The following CHCHD3 variants were observed in gnomAD, a reference collection of about 807,000 sequenced individuals.
CHCHD3 encodes the protein MICOS complex subunit MIC19.
Under a neutral mutation model 38.2 loss-of-function variants are expected in CHCHD3, and 20 were observed. The observed-to-expected ratio is 0.52, with a 90% CI of 0.37 to 0.76. CHCHD3 has a LOEUF of 0.76. CHCHD3 is among the 30% of genes least tolerant of loss of function. The pLI is 0.00. For missense variants in CHCHD3, 245 were observed against 279.2 expected, an observed-to-expected ratio of 0.88 and a Z score of 0.87; for synonymous variants, 82 against 100.0, an observed-to-expected ratio of 0.82 and a Z score of 1.07.
intron 5 of CHCHD3, among the ~76,000 whole-genome samples, chr7:132,854,942 CAA>C (rs1291975231): frequency 2.0e-5 from 3 of 152,048 alleles, no homozygotes; most frequent in Non-Finnish European, 4.4e-5. Flanking sequence ...TTGGACTGTC[CAA>C]AAGCAAATAT....
intron 4 of CHCHD3, among the ~76,000 whole-genome samples, chr7:132,890,236 G>A (rs1260336046): frequency 1.3e-5 from 2 of 152,158 alleles, no homozygotes; most frequent in Non-Finnish European, 1.5e-5. Flanking sequence ...TAGATTAAAA[G>A]TGAAGTACGT....
rs1806291228 is a variant in CHCHD3 at position 132,785,523 on chromosome 7, T to C, written c.*114A>G. The C allele has an allele frequency of 1.0e-6, 1 of 1,002,672 alleles. No homozygotes were observed. Among genetic ancestry groups the C allele is most frequent in the African/African-American group, 1.6e-5 (1 of 62,294 alleles). The allele number at this position is 1,002,672 out of a possible 1,614,324, so 62.1% of individuals were successfully genotyped here. A position where few individuals can be genotyped will look rare whatever the true frequency, so the allele number is the denominator to read the frequency against. The stretch of plus-strand genomic sequence containing the variant: ...TGAATCCATTCTTGATGTCTCTCTT[T>C]AGTGGTCTTCTCATTAGTGGTCTTC... On this transcript the variant is annotated 3_prime_UTR_variant, in exon 8 of 8. Coordinates refer to ENST00000262570, the MANE Select transcript of CHCHD3 (RefSeq NM_017812.4).
chr7:133,043,428 C>T (rs751587467), intron 2 of CHCHD3, among the ~76,000 whole-genome samples: 6 of 152,014 alleles, frequency 3.9e-5, no homozygotes, highest in African/African-American at 9.7e-5. Context: ...GATTACCTGA[C>T]GTCAGGAGTC....
At chr7:132,841,959 G>A (rs187111775) in intron 5 of CHCHD3, among the ~76,000 whole-genome samples, 42 of 151,974 alleles carry the variant, frequency 2.8e-4, no homozygotes, top group African/African-American at 6.3e-4. Flanking sequence ...TTAGCCAGGC[G>A]TGGTGGCTCA....
At chr7:132,875,096 A>T (rs1808862206) in intron 5 of CHCHD3, among the ~76,000 whole-genome samples, 1 of 152,212 alleles carries the variant, frequency 6.6e-6, no homozygotes, top group South Asian at 2.1e-4. Flanking sequence ...TTCAGGGCAC[A>T]GAAATCTCAG....
rs528224600 is a variant in CHCHD3 at position 133,014,042 on chromosome 7, T to C, written c.251+10504A>G. ...ACACTTGTCACATTAGTGGTTTCAG[T>C]TGACTTTGTGGGGTACTTTTTTTGG... On this transcript the variant is annotated intron_variant, in intron 3 of 7. Transcript: ENST00000262570. 4.6e-5 allele frequency among the ~76,000 whole-genome samples: 7 copies of C among 152,270 alleles called. No homozygotes were observed. The South Asian group carries it at 1.4e-3, about 32-fold the overall frequency.
At chr7:132,872,719 T>A (rs762616793) in intron 5 of CHCHD3, among the ~76,000 whole-genome samples, 1 of 152,182 alleles carries the variant, frequency 6.6e-6, no homozygotes, top group Non-Finnish European at 1.5e-5. Flanking sequence ...CAAGTATGAA[T>A]GTTGCTGAGG....
intron 7 of CHCHD3, among the ~76,000 whole-genome samples, chr7:132,786,167 G>A (rs1806311542): frequency 6.6e-6 from 1 of 152,206 alleles, no homozygotes; most frequent in Admixed American, 6.5e-5. Context: ...AACAGTCTTT[G>A]CTGTCTCAAA....
At chr7:132,869,874 T>C (rs1466080189) in intron 5 of CHCHD3, among the ~76,000 whole-genome samples, 2 of 151,760 alleles carry the variant, frequency 1.3e-5, no homozygotes, top group Non-Finnish European at 1.5e-5. Flanking sequence ...TGAGCCACCA[T>C]ACCTGGCAGA....
At position 132,996,045 on chromosome 7, in the gene CHCHD3, CAT is replaced by C. The variant is rs562041654; in HGVS notation, c.252-20761_252-20760del. Among the ~76,000 whole-genome samples the C allele has an allele frequency of 4.3e-4, 66 of 152,230 alleles. 1 individual carries two copies. The South Asian group carries it at 8.7e-3, about 20-fold the overall frequency. On this transcript the variant is annotated intron_variant, in intron 3 of 7. Transcript: ENST00000262570. ...GATTACTCAAAATCACATAGGAAAACATGTGCTGGAATGTGTATTCTAGATTT... is the reference window on the plus strand; with the variant it reads ...GATTACTCAAAATCACATAGGAAAACGTGCTGGAATGTGTATTCTAGATTT...
intron 6 of CHCHD3, among the ~76,000 whole-genome samples, chr7:132,798,600 T>A (rs1806682541): frequency 6.6e-6 from 1 of 152,190 alleles, no homozygotes; most frequent in Non-Finnish European, 1.5e-5. Flanking sequence ...TATCCTAGTG[T>A]TGACAACTGA....
chr7:132,901,346 T>A (rs1809662590), intron 4 of CHCHD3, among the ~76,000 whole-genome samples: 1 of 152,252 alleles, frequency 6.6e-6, no homozygotes, highest in African/African-American at 2.4e-5. Flanking sequence ...ACGAGTCATC[T>A]GAATAGAAAG....
intron 3 of CHCHD3, among the ~76,000 whole-genome samples, chr7:132,988,829 G>A (rs185923884): frequency 2.6e-5 from 4 of 152,166 alleles, no homozygotes; most frequent in East Asian, 3.9e-4. Context: ...TACAGCAGGA[G>A]AATCACTTGA....
rs77887594 is a variant in CHCHD3, at chr7:132,790,288, C to T, written c.661-4628G>A. On this transcript the variant is annotated intron_variant, in intron 7 of 7. Coordinates refer to ENST00000262570, the MANE Select transcript of CHCHD3 (RefSeq NM_017812.4). ...GCTGGCTGCAATAACAGACAAAACA[C>T]TAACATACTGCAGTTCTAATTGAAG... Among the ~76,000 whole-genome samples the T allele has an allele frequency of 7.2e-3, 1,098 of 152,204 alleles. 6 individuals are homozygous for T. Among genetic ancestry groups the T allele is most frequent in the Middle Eastern group, 0.017 (5 of 294 alleles).
chr7:133,079,625 TAAAAG>T (rs1055016136), intron 1 of CHCHD3, among the ~76,000 whole-genome samples: 4 of 152,142 alleles, frequency 2.6e-5, no homozygotes, highest in African/African-American at 9.7e-5. Context: ...GATAAGGAAA[TAAAAG>T]AAGTCAATTG....
At chr7:132,958,858 A>G (rs1431157328) in intron 4 of CHCHD3, among the ~76,000 whole-genome samples, 1 of 152,228 alleles carries the variant, frequency 6.6e-6, no homozygotes, top group Non-Finnish European at 1.5e-5. Flanking sequence ...AAATTTCCAC[A>G]GTGACAAGGT....
Position 133,035,203 on chromosome 7 carries a change from C to T in CHCHD3, c.170-10576G>A. On this transcript the variant is annotated intron_variant, in intron 2 of 7. Transcript: ENST00000262570. The surrounding 1 kb of genome is among the most constrained non-coding windows in gnomAD (Gnocchi z 4.7). ...CGCTCAGCCTGGGGCTTCTGCTTCT[C>T]TTCCCGTGAACCCTTCTCTTTCCGT... 1 of 1,613,774 alleles carries T rather than the reference C, an allele frequency of 6.2e-7. No individual in the cohort carries two copies. Among genetic ancestry groups the T allele is most frequent in the Non-Finnish European group, 8.5e-7 (1 of 1,179,726 alleles).
At chr7:132,968,929 TTTTC>T (rs1811542824) in intron 4 of CHCHD3, among the ~76,000 whole-genome samples, 1 of 152,274 alleles carries the variant, frequency 6.6e-6, no homozygotes, top group Admixed American at 6.5e-5. Context: ...TTCAAAACCG[TTTTC>T]TTTTTTACCA....
At chr7:133,054,915 G>C (rs1378224747) in intron 2 of CHCHD3, among the ~76,000 whole-genome samples, 1 of 152,204 alleles carries the variant, frequency 6.6e-6, no homozygotes, top group Non-Finnish European at 1.5e-5. Context: ...CTACAGGTCA[G>C]ACAGATGCCA....
Sources: allele counts gnomAD v4.1 joint callset (sites outside exome capture counted in the v4.1 genomes callset), GRCh38; gene constraint gnomAD v4.1.1; non-coding constraint Gnocchi (gnomAD v3.1); transcripts MANE v1.5; gene names NCBI Gene and HGNC (gene_info 2026-07-23, HGNC 2026-07-21).